Variants in SGCD observed in about 807,000 individuals in gnomAD.
SGCD encodes the protein delta-sarcoglycan.
A neutral mutation model predicts 36.6 loss-of-function variants in SGCD; 18 were observed. The ratio of observed to expected loss-of-function variants is 0.49; its 90% confidence interval spans 0.34 to 0.73. SGCD has a LOEUF of 0.73. Ranked by LOEUF, SGCD falls within the 30% of genes least tolerant of loss-of-function variation. The pLI is 0.01. For missense variants in SGCD, 387 were observed against 346.7 expected (o/e 1.12, Z -0.92); for synonymous variants, 133 against 130.6 (o/e 1.02, Z -0.12).
At chr5:155,866,636 G>A (rs947719811), upstream of SGCD, among the ~76,000 whole-genome samples, 8 of 152,120 alleles carry the variant, frequency 5.3e-5, no homozygotes, top group Non-Finnish European at 1.0e-4. Context: ...CTAGTACTAC[G>A]AAGGGGCACC....
At chr5:156,287,548 G>T (rs1766640568) in intron 3 of SGCD, among the ~76,000 whole-genome samples, 1 of 152,032 alleles carries the variant, frequency 6.6e-6, no homozygotes, top group African/African-American at 2.4e-5. Flanking sequence ...ACCGAGGTTT[G>T]ATTCTGGATT....
At chr5:156,299,646 T>G (rs1442377048) in intron 3 of SGCD, among the ~76,000 whole-genome samples, 1 of 152,146 alleles carries the variant, frequency 6.6e-6, no homozygotes, top group Non-Finnish European at 1.5e-5. Flanking sequence ...TATAGAGATC[T>G]TTCACTTTTT....
intron 7 of SGCD, among the ~76,000 whole-genome samples, chr5:156,741,776 A>G (rs1756685954): frequency 6.6e-6 from 1 of 152,216 alleles, no homozygotes; most frequent in African/African-American, 2.4e-5. Flanking sequence ...TGAATTGGCT[A>G]GACAATCAGT....
At chr5:156,740,309 C>T (rs1581508009) in intron 7 of SGCD, among the ~76,000 whole-genome samples, 1 of 152,150 alleles carries the variant, frequency 6.6e-6, no homozygotes, top group Non-Finnish European at 1.5e-5. Context: ...AATATGGGAA[C>T]AATTTTTAAA....
intron 1 of SGCD, among the ~76,000 whole-genome samples, chr5:156,001,857 G>T (rs2127568174): frequency 6.6e-6 from 1 of 152,356 alleles, no homozygotes; most frequent in East Asian, 1.9e-4. Context: ...TGAGGGTGAA[G>T]GGCTGACAGG....
chr5:156,670,927 T>G (rs1418084105), intron 7 of SGCD, among the ~76,000 whole-genome samples: 2 of 152,120 alleles, frequency 1.3e-5, no homozygotes, highest in Non-Finnish European at 2.9e-5. Flanking sequence ...GGTCGAGTCA[T>G]CTCCCATTAC....
intron 4 of SGCD, among the ~76,000 whole-genome samples, chr5:156,554,270 G>T (rs1286000652): frequency 6.6e-6 from 1 of 151,470 alleles, no homozygotes; most frequent in East Asian, 1.9e-4. Context: ...CACAAGAATT[G>T]CTTGAAATCA....
chr5:155,776,209 G>A, the SGCD span, among the ~76,000 whole-genome samples: 102 of 152,172 alleles, frequency 6.7e-4, 1 homozygote, highest in South Asian at 4.6e-3. Context: ...AATATAGGAC[G>A]GCAATTCTTT....
intron 4 of SGCD, among the ~76,000 whole-genome samples, chr5:156,565,424 G>A (rs1366926995): frequency 6.6e-6 from 1 of 152,070 alleles, no homozygotes; most frequent in African/African-American, 2.4e-5. Context: ...TCATAGACCT[G>A]TCCATCATTA....
the SGCD span, among the ~76,000 whole-genome samples, chr5:155,823,104 A>G: frequency 6.7e-6 from 1 of 150,110 alleles, no homozygotes; most frequent in East Asian, 2.0e-4. Context: ...CTATCTATCT[A>G]TCTATCTATC....
intron 3 of SGCD, among the ~76,000 whole-genome samples, chr5:156,499,817 C>T (rs1756369015): frequency 6.6e-6 from 1 of 152,086 alleles, no homozygotes; most frequent in South Asian, 2.1e-4. Context: ...GTGTTAATGT[C>T]TGAGGAGCTA....
chr5:156,530,537 C>T (rs933231412), intron 4 of SGCD, among the ~76,000 whole-genome samples: 9 of 151,758 alleles, frequency 5.9e-5, no homozygotes, highest in East Asian at 3.9e-4. Flanking sequence ...TGAAGTTCAC[C>T]GCCATGCTTT....
intron 7 of SGCD, among the ~76,000 whole-genome samples, chr5:156,710,238 A>G (rs1245797791): frequency 6.6e-6 from 1 of 152,214 alleles, no homozygotes; most frequent in Non-Finnish European, 1.5e-5. Context: ...TACTTAGTGA[A>G]TGATTGGATG....
At chr5:156,631,662 G>A (rs1762639930) in intron 6 of SGCD, among the ~76,000 whole-genome samples, 1 of 151,568 alleles carries the variant, frequency 6.6e-6, no homozygotes, top group Admixed American at 6.6e-5. Flanking sequence ...CCTTAAAAGT[G>A]TCTTATACCA....
At chr5:156,608,876 T>G (rs573189214) in intron 6 of SGCD, among the ~76,000 whole-genome samples, 1 of 152,118 alleles carries the variant, frequency 6.6e-6, no homozygotes, top group African/African-American at 2.4e-5. Context: ...CCCCTGCCTT[T>G]TTTTGTTTTC....
intron 7 of SGCD, among the ~76,000 whole-genome samples, chr5:156,678,738 AAAGG>A (rs1753608377): frequency 6.6e-6 from 1 of 152,330 alleles, no homozygotes; most frequent in Admixed American, 6.5e-5. Flanking sequence ...CAAGCCATAA[AAAGG>A]AAGTATACGT....
intron 3 of SGCD, among the ~76,000 whole-genome samples, chr5:156,309,688 A>G (rs1182124368): frequency 1.4e-5 from 2 of 144,370 alleles, no homozygotes; most frequent in African/African-American, 2.6e-5. Flanking sequence ...GGGTTTCACT[A>G]TGTTGGTCAG....
At chr5:155,768,309 C>T in the SGCD span, among the ~76,000 whole-genome samples, 1 of 149,310 alleles carries the variant, frequency 6.7e-6, no homozygotes, top group African/African-American at 2.5e-5. Context: ...TTTTCCTAAA[C>T]TATTTTGAAA....
chr5:155,728,678 C>T, the SGCD span, among the ~76,000 whole-genome samples: 5 of 152,076 alleles, frequency 3.3e-5, no homozygotes, highest in African/African-American at 1.2e-4. Context: ...TTGTCTATCC[C>T]GGAGGGCGCA....
Sources: allele counts gnomAD v4.1 joint callset (sites outside exome capture counted in the v4.1 genomes callset), GRCh38; gene constraint gnomAD v4.1.1; transcripts MANE v1.5; gene names NCBI Gene and HGNC (gene_info 2026-07-23, HGNC 2026-07-21).